The following AKAP13 variants were observed in gnomAD, a reference collection of about 807,000 sequenced individuals.
The protein encoded by AKAP13 is A-kinase anchoring protein 13.
A neutral mutation model predicts 264.5 loss-of-function variants in AKAP13; 80 were observed. That is an observed-to-expected ratio of 0.30 (90% CI 0.25 to 0.36). AKAP13 has a LOEUF of 0.36. Among genes scored for constraint, AKAP13 ranks in the 10% least tolerant of loss-of-function variants. AKAP13 has a pLI of 1.00. For synonymous variants in AKAP13, 1,380 were observed against 1,250.2 expected, an observed-to-expected ratio of 1.10 and a Z score of -2.19; for missense variants, 3,712 against 3,435.2, an observed-to-expected ratio of 1.08 and a Z score of -2.01.
chr15:85,420,162 C>T (rs1183339748), intron 1 of AKAP13, among the ~76,000 whole-genome samples: 5 of 151,530 alleles, frequency 3.3e-5, no homozygotes, highest in East Asian at 1.9e-4. Flanking sequence ...GGGATGGTCT[C>T]GATCTCCTGA....
intron 14 of AKAP13, among the ~76,000 whole-genome samples, chr15:85,673,478 C>T (rs956918022): frequency 6.6e-6 from 1 of 151,984 alleles, no homozygotes; most frequent in Non-Finnish European, 1.5e-5. Context: ...GGAGGACTGC[C>T]CTGAGAGAAA....
intron 8 of AKAP13, among the ~76,000 whole-genome samples, chr15:85,594,475 A>G (rs1484447374): frequency 6.6e-6 from 1 of 152,238 alleles, no homozygotes; most frequent in African/African-American, 2.4e-5. Context: ...TTTAAAGAAT[A>G]TTATATTATT....
chr15:85,430,432 C>T (rs958510237), intron 1 of AKAP13, among the ~76,000 whole-genome samples: 1 of 152,190 alleles, frequency 6.6e-6, no homozygotes, highest in Non-Finnish European at 1.5e-5. Context: ...TAAGCTGACA[C>T]TTTCTCTTCA....
intron 26 of AKAP13, among the ~76,000 whole-genome samples, chr15:85,725,397 G>T (rs1014941017): frequency 6.6e-6 from 1 of 151,504 alleles, no homozygotes; most frequent in Non-Finnish European, 1.5e-5. Context: ...GAGGGGGAGG[G>T]TGCAGGCACC....
chr15:85,526,572 C>T (rs988572668), intron 3 of AKAP13, among the ~76,000 whole-genome samples: 5 of 152,160 alleles, frequency 3.3e-5, no homozygotes, highest in Non-Finnish European at 7.4e-5. Context: ...TACCTGGCCT[C>T]TTTCATTTCT....
rs992981706 is a variant in AKAP13 at position 85,410,077 on chromosome 15, G to A, written c.-12+29279G>A. 9.9e-5 allele frequency among the ~76,000 whole-genome samples: 15 copies of A among 151,770 alleles called. No individual in the cohort carries two copies. In the East Asian group the frequency reaches 2.9e-3, roughly 29 times the overall value. On this transcript the variant is annotated intron_variant, in intron 1 of 36. Transcript: ENST00000394518. ...ATATAATTTTATAATTTGAAAAAGGGTTGGTATTCACTTTTTCTGGAATTT... is the reference window on the plus strand; with the variant it reads ...ATATAATTTTATAATTTGAAAAAGGATTGGTATTCACTTTTTCTGGAATTT...
At chr15:85,661,455 A>C (rs528047851) in intron 12 of AKAP13, among the ~76,000 whole-genome samples, 11 of 152,282 alleles carry the variant, frequency 7.2e-5, no homozygotes, top group Admixed American at 2.0e-4. Flanking sequence ...GCGGTGGCTC[A>C]AGCCTATAAT....
intron 5 of AKAP13, chr15:85,544,249 G>C: frequency 2.0e-6 from 1 of 499,268 alleles, no homozygotes; most frequent in South Asian, 1.7e-5. Context: ...AGCCTTGTCT[G>C]TGGAGGTAGC....
At chr15:85,730,480 A>C (rs375309277) in intron 29 of AKAP13, 33 bp from the exon 30 acceptor site, 1 of 1,605,840 alleles carries the variant, frequency 6.2e-7, no homozygotes, top group East Asian at 2.2e-5. Flanking sequence ...CTAAACACCA[A>C]TCAAATCACA....
chr15:85,476,905 G>A (rs2075181619), intron 1 of AKAP13, among the ~76,000 whole-genome samples: 1 of 152,094 alleles, frequency 6.6e-6, no homozygotes, highest in Non-Finnish European at 1.5e-5. Context: ...ATCATGTGCT[G>A]GCCATGTGTG....
At chr15:85,498,885 A>G (rs943365404) in intron 2 of AKAP13, among the ~76,000 whole-genome samples, 2 of 152,180 alleles carry the variant, frequency 1.3e-5, no homozygotes, top group African/African-American at 4.8e-5. Flanking sequence ...GTGGGGCCCA[A>G]AAAGTCACTT....
At chr15:85,704,426 C>T (rs991445490) in intron 17 of AKAP13, among the ~76,000 whole-genome samples, 2 of 152,040 alleles carry the variant, frequency 1.3e-5, no homozygotes, top group Admixed American at 6.6e-5. Flanking sequence ...TATAACCATT[C>T]GCCAAAGATC....
At chr15:85,585,606 A>G in intron 7 of AKAP13, 96 bp from the exon 8 acceptor site, 10 of 1,556,334 alleles carry the variant, frequency 6.4e-6, no homozygotes, top group Non-Finnish European at 8.8e-6. Context: ...CGCAAAAGCA[A>G]AACAAAACAC....
intron 8 of AKAP13, among the ~76,000 whole-genome samples, chr15:85,602,822 A>G (rs1464869802): frequency 6.6e-6 from 1 of 152,184 alleles, no homozygotes; most frequent in African/African-American, 2.4e-5. Context: ...ACTCATGCAT[A>G]ATTTTGTAAA....
chr15:85,631,393 T>C (rs528493779), intron 8 of AKAP13, among the ~76,000 whole-genome samples: 1 of 152,212 alleles, frequency 6.6e-6, no homozygotes, highest in East Asian at 1.9e-4. Flanking sequence ...ACTAGTACTA[T>C]TGAATTATAT....
intron 1 of AKAP13, among the ~76,000 whole-genome samples, chr15:85,385,516 T>G (rs954960468): frequency 1.1e-4 from 17 of 152,248 alleles, no homozygotes. Context: ...AGAATTCTTC[T>G]GAGCCCTTTT....
chr15:85,403,017 T>C (rs188758321), intron 1 of AKAP13, among the ~76,000 whole-genome samples: 30 of 152,354 alleles, frequency 2.0e-4, no homozygotes, highest in Admixed American at 7.2e-4. Flanking sequence ...TCTTAACTGC[T>C]TGTTATGCCA....
chr15:85,399,535 A>AAAAAAAAAAAAAAAAAAAAAAAT (rs1567038735), intron 1 of AKAP13, among the ~76,000 whole-genome samples: 2 of 105,604 alleles, frequency 1.9e-5, no homozygotes, highest in African/African-American at 4.1e-5. Flanking sequence ...AAAAAATAAA[A>AAAAAAAAAAAAAAAAAAAAAAAT]AAATAAATAA....
chr15:85,680,866 G>T (rs544134204), intron 14 of AKAP13, among the ~76,000 whole-genome samples: 41 of 152,306 alleles, frequency 2.7e-4, no homozygotes, highest in African/African-American at 9.1e-4. Context: ...TACCCAGGCT[G>T]GAGTGCAGTG....
Sources: gnomAD v4.1 joint callset for allele counts (sites outside exome capture counted in the v4.1 genomes callset) on GRCh38, gnomAD v4.1.1 for gene constraint, MANE v1.5 for transcripts, NCBI Gene and HGNC (gene_info 2026-07-23, HGNC 2026-07-21) for gene names.